The following FOXP1 variants were observed in gnomAD, a reference collection of about 807,000 sequenced individuals.
The protein encoded by FOXP1 is forkhead box protein P1.
Under a neutral mutation model 98.2 loss-of-function variants are expected in FOXP1, and 15 were observed. The observed-to-expected ratio is 0.15, with a 90% CI of 0.10 to 0.24. The LOEUF (loss-of-function observed/expected upper bound fraction) is 0.24, where lower values mean the gene tolerates loss of function less well. Ranked by LOEUF, FOXP1 falls within the 10% of genes least tolerant of loss-of-function variation. The pLI, the probability that FOXP1 is intolerant of heterozygous loss-of-function variation, is 1.00. For synonymous variants in FOXP1, 371 were observed against 314.5 expected, an observed-to-expected ratio of 1.18 and a Z score of -1.90; for missense variants, 633 against 848.5, an observed-to-expected ratio of 0.75 and a Z score of 3.15.
chr3:71,275,740 C>A (rs946638546), intron 5 of FOXP1, among the ~76,000 whole-genome samples: 1 of 152,154 alleles, frequency 6.6e-6, no homozygotes, highest in East Asian at 1.9e-4. Flanking sequence ...TCTGGGCATG[C>A]GCCGTATTAT....
chr3:71,489,732 G>A (rs531539615), intron 3 of FOXP1, among the ~76,000 whole-genome samples: 1 of 152,250 alleles, frequency 6.6e-6, no homozygotes, highest in South Asian at 2.1e-4. Flanking sequence ...CCCTTCTTTC[G>A]CTGTCTCCTG....
intron 7 of FOXP1, among the ~76,000 whole-genome samples, chr3:71,067,934 TA>T (rs5849980): frequency 0.034 from 4,087 of 119,142 alleles, 222 homozygotes; most frequent in African/African-American, 0.13. Flanking sequence ...AAAAATAAAA[TA>T]AAAAAAAAAT....
In FOXP1 at chr3:71,211,702, T is replaced by C. The variant is rs578199723; in HGVS notation, c.-11-13310A>G. On this transcript the variant is annotated intron_variant, in intron 5 of 20. Coordinates refer to ENST00000649528, the MANE Select transcript of FOXP1 (RefSeq NM_001349338.3). The stretch of plus-strand genomic sequence containing the variant: ...AGATTGGGAAGGACTGATTTTTCTT[T>C]TCACAACTCCTCCCCAGAATGAAAA... Among the ~76,000 whole-genome samples the C allele has an allele frequency of 2.2e-4, 34 of 152,308 alleles. No individual in the cohort carries two copies. The South Asian group carries it at 7.0e-3, about 32-fold the overall frequency.
intron 5 of FOXP1, among the ~76,000 whole-genome samples, chr3:71,264,014 T>C (rs532062304): frequency 2.6e-5 from 4 of 152,166 alleles, no homozygotes; most frequent in East Asian, 3.9e-4. Context: ...GCCTTCCAAA[T>C]TGTTGTAAGT....
chr3:71,207,820 G>C (rs1043551660), intron 5 of FOXP1, among the ~76,000 whole-genome samples: 2 of 152,150 alleles, frequency 1.3e-5, no homozygotes, highest in African/African-American at 2.4e-5. Context: ...CTAATGTTCA[G>C]GTCTTATCTA....
intron 12 of FOXP1, among the ~76,000 whole-genome samples, chr3:71,013,989 A>G (rs1171077697): frequency 1.3e-5 from 2 of 152,228 alleles, no homozygotes; most frequent in East Asian, 3.8e-4. Context: ...CACCTTATAC[A>G]AAAATTAATT....
intron 3 of FOXP1, among the ~76,000 whole-genome samples, chr3:71,448,802 C>T (rs978134578): frequency 6.6e-6 from 1 of 152,200 alleles, no homozygotes; most frequent in African/African-American, 2.4e-5. Flanking sequence ...ACCATTGCCA[C>T]AATTTCAGAA....
chr3:71,458,962 C>T (rs916847472), intron 3 of FOXP1, among the ~76,000 whole-genome samples: 1 of 152,130 alleles, frequency 6.6e-6, no homozygotes, highest in African/African-American at 2.4e-5. Flanking sequence ...CACCAAGTTG[C>T]TATTATCAGA....
chr3:71,401,486 A>T (rs2108211629), intron 3 of FOXP1, among the ~76,000 whole-genome samples: 1 of 152,346 alleles, frequency 6.6e-6, no homozygotes, highest in South Asian at 2.1e-4. Flanking sequence ...ACAATTCAGG[A>T]TGAGAGGCAG....
intron 5 of FOXP1, among the ~76,000 whole-genome samples, chr3:71,258,898 C>A (rs57953025): frequency 0.12 from 18,611 of 152,062 alleles, 1,503 homozygotes; most frequent in East Asian, 0.45. Flanking sequence ...GTAATCCCAG[C>A]ACTGTGGGAG....
chr3:71,556,998 A>G (rs1223852955), intron 2 of FOXP1, among the ~76,000 whole-genome samples: 2 of 152,220 alleles, frequency 1.3e-5, no homozygotes, highest in African/African-American at 2.4e-5. Context: ...TGACTAAAAA[A>G]AAAGTGTTCA....
intron 3 of FOXP1, among the ~76,000 whole-genome samples, chr3:71,492,295 T>C (rs1044294807): frequency 6.6e-6 from 1 of 151,764 alleles, no homozygotes; most frequent in African/African-American, 2.4e-5. Context: ...CTCCTAAAAG[T>C]ACAAAAATTA....
chr3:71,081,584 A>G (rs1485722336), intron 7 of FOXP1, among the ~76,000 whole-genome samples: 1 of 152,208 alleles, frequency 6.6e-6, no homozygotes, highest in African/African-American at 2.4e-5. Context: ...CCACAAAACT[A>G]AAATAATCAG....
chr3:71,422,054 G>A (rs2083695971), intron 3 of FOXP1, among the ~76,000 whole-genome samples: 2 of 152,172 alleles, frequency 1.3e-5, no homozygotes, highest in African/African-American at 4.8e-5. Flanking sequence ...CAATTGGGAT[G>A]CTGAACATCT....
At chr3:71,582,351 C>A in intron 1 of FOXP1, 1 of 970,644 alleles carries the variant, frequency 1.0e-6, no homozygotes, top group Non-Finnish European at 1.2e-6. Flanking sequence ...CCCGCGGCAA[C>A]TGGCAAACTC....
chr3:71,115,538 T>C (rs1486293182), intron 6 of FOXP1, among the ~76,000 whole-genome samples: 2 of 151,576 alleles, frequency 1.3e-5, no homozygotes, highest in South Asian at 2.1e-4. Context: ...GGTTTCACCA[T>C]GTTGGCCAGG....
At chr3:71,450,699 T>C (rs1034654583) in intron 3 of FOXP1, among the ~76,000 whole-genome samples, 1 of 152,216 alleles carries the variant, frequency 6.6e-6, no homozygotes, top group African/African-American at 2.4e-5. Flanking sequence ...TTTCTTGTGA[T>C]GGCATAAAAT....
At chr3:71,303,670 T>C (rs776098152) in intron 4 of FOXP1, among the ~76,000 whole-genome samples, 30 of 152,070 alleles carry the variant, frequency 2.0e-4, no homozygotes, top group Non-Finnish European at 4.0e-4. Flanking sequence ...GAAAATCTAC[T>C]CCAAAATCAA....
At chr3:71,015,160 A>G (rs933077403) in intron 12 of FOXP1, among the ~76,000 whole-genome samples, 2 of 151,048 alleles carry the variant, frequency 1.3e-5, no homozygotes, top group African/African-American at 4.9e-5. Context: ...AGAAGATGAC[A>G]CCTCCAACAA....
Sources: allele counts gnomAD v4.1 joint callset (sites outside exome capture counted in the v4.1 genomes callset), GRCh38; gene constraint gnomAD v4.1.1; transcripts MANE v1.5; gene names NCBI Gene and HGNC (gene_info 2026-07-23, HGNC 2026-07-21).